DIAPH3: variants seen among roughly 807,000 people sequenced by gnomAD.
DIAPH3 encodes diaphanous related formin 3.
DIAPH3 carries 117 observed loss-of-function variants against 144.3 expected under a neutral mutation model. That is an observed-to-expected ratio of 0.81 (90% CI 0.70 to 0.95). The LOEUF is 0.95. Among genes scored for constraint, DIAPH3 ranks in the 40% least tolerant of loss-of-function variants. The probability of loss-of-function intolerance (pLI) is 0.00; values close to 1 mark genes in which losing one functional copy is unlikely to be tolerated. For synonymous variants in DIAPH3, 519 were observed against 488.9 expected, an observed-to-expected ratio of 1.06 and a Z score of -0.81; for missense variants, 1,421 against 1,412.7, an observed-to-expected ratio of 1.01 and a Z score of -0.09.
At chr13:60,016,167 G>C (rs755799213) in intron 5 of DIAPH3, 22 bp from the exon 6 acceptor site, 1 of 1,607,000 alleles carries the variant, frequency 6.2e-7, no homozygotes, top group African/African-American at 1.3e-5. Context: ...AAAAAAGACA[G>C]TTACACATTG....
At chr13:59,871,254 T>C (rs1010621780) in intron 21 of DIAPH3, among the ~76,000 whole-genome samples, 3 of 151,832 alleles carry the variant, frequency 2.0e-5, no homozygotes, top group Admixed American at 2.0e-4. Flanking sequence ...AAGAAAGAGT[T>C]TTGTTTATTC....
chr13:60,020,004 T>C (rs2053903725), intron 5 of DIAPH3, among the ~76,000 whole-genome samples: 1 of 152,184 alleles, frequency 6.6e-6, no homozygotes, highest in Non-Finnish European at 1.5e-5. Flanking sequence ...GAATTAATCT[T>C]GGAATTATTA....
intron 5 of DIAPH3, among the ~76,000 whole-genome samples, chr13:60,037,869 A>G (rs895700595): frequency 5.9e-5 from 9 of 152,176 alleles, no homozygotes; most frequent in African/African-American, 2.2e-4. Context: ...CCTAAAATAC[A>G]AGGTATGAAA....
At chr13:59,986,850 A>C (rs2051421228) in intron 12 of DIAPH3, among the ~76,000 whole-genome samples, 1 of 149,812 alleles carries the variant, frequency 6.7e-6, no homozygotes, top group Non-Finnish European at 1.5e-5. Context: ...GATGTGGAGA[A>C]ATAGGAACAC....
At chr13:60,096,920 A>G (rs1462860454) in intron 3 of DIAPH3, among the ~76,000 whole-genome samples, 1 of 152,184 alleles carries the variant, frequency 6.6e-6, no homozygotes, top group East Asian at 1.9e-4. Context: ...CAGCTTGCAG[A>G]TAGCATACTG....
At chr13:59,845,913 C>T (rs905157836) in intron 22 of DIAPH3, among the ~76,000 whole-genome samples, 4 of 152,022 alleles carry the variant, frequency 2.6e-5, no homozygotes, top group African/African-American at 9.7e-5. Flanking sequence ...TTGCAGATAC[C>T]CAAATGTTTG....
At chr13:59,894,399 G>C (rs974678489) in intron 20 of DIAPH3, among the ~76,000 whole-genome samples, 5 of 151,970 alleles carry the variant, frequency 3.3e-5, no homozygotes, top group Admixed American at 6.6e-5. Flanking sequence ...AGGAAACAGT[G>C]GTCTCTAACT....
intron 3 of DIAPH3, among the ~76,000 whole-genome samples, chr13:60,098,643 G>T (rs1264564260): frequency 1.3e-5 from 2 of 151,414 alleles, no homozygotes; most frequent in African/African-American, 4.9e-5. Flanking sequence ...ACATATAGCT[G>T]ACCTTAAAAA....
At chr13:59,805,680 T>C (rs989483850) in intron 25 of DIAPH3, among the ~76,000 whole-genome samples, 1 of 151,906 alleles carries the variant, frequency 6.6e-6, no homozygotes, top group Non-Finnish European at 1.5e-5. Flanking sequence ...TTCAGGTTCA[T>C]CATTTAAAAA....
intron 27 of DIAPH3, among the ~76,000 whole-genome samples, chr13:59,729,982 T>C (rs2138973018): frequency 6.6e-6 from 1 of 151,976 alleles, no homozygotes; most frequent in African/African-American, 2.4e-5. Context: ...TTCAGATGGA[T>C]CACAGAATTA....
chr13:59,764,751 G>A (rs1385851616), intron 27 of DIAPH3, among the ~76,000 whole-genome samples: 2 of 151,830 alleles, frequency 1.3e-5, no homozygotes, highest in African/African-American at 4.8e-5. Context: ...GCAATGACTA[G>A]AGCTAGGAGA....
At chr13:59,776,443 A>G (rs1447102224) in intron 25 of DIAPH3, among the ~76,000 whole-genome samples, 3 of 152,160 alleles carry the variant, frequency 2.0e-5, no homozygotes, top group Non-Finnish European at 4.4e-5. Context: ...AAATTCAACT[A>G]TATTTTTCCT....
intron 13 of DIAPH3, among the ~76,000 whole-genome samples, chr13:59,981,226 A>G (rs2050992329): frequency 6.6e-6 from 1 of 151,504 alleles, no homozygotes; most frequent in Non-Finnish European, 1.5e-5. Context: ...ACAGAAAATT[A>G]GAAAAATTGA....
At chr13:59,895,816 C>T (rs879868497) in intron 20 of DIAPH3, among the ~76,000 whole-genome samples, 17 of 152,246 alleles carry the variant, frequency 1.1e-4, no homozygotes, top group South Asian at 4.1e-4. Context: ...ATGAGCCAGA[C>T]GAGGTAGTCG....
In DIAPH3 at chr13:59,914,342, T is replaced by C. The variant is rs146336692; in HGVS notation, c.2265+1813A>G. On this transcript the variant is annotated intron_variant, in intron 19 of 27. Coordinates refer to ENST00000400324, the MANE Select transcript of DIAPH3 (RefSeq NM_001042517.2). ...ATAGCAAGAAATTCTTACTTTTTAATGAATATATTAAAACCTTATATATGT... is the reference window on the plus strand; with the variant it reads ...ATAGCAAGAAATTCTTACTTTTTAACGAATATATTAAAACCTTATATATGT... 3.5e-3 allele frequency among the ~76,000 whole-genome samples: 533 copies of C among 152,314 alleles called. 3 individuals are homozygous for C. The highest frequency in any genetic ancestry group is 0.012 in the African/African-American group (508 of 41,566).
chr13:59,841,107 A>C (rs1025904475), intron 22 of DIAPH3, among the ~76,000 whole-genome samples: 4 of 152,122 alleles, frequency 2.6e-5, no homozygotes, highest in Non-Finnish European at 4.4e-5. Flanking sequence ...TCCCGTTTCC[A>C]ACTTTTTTCT....
At chr13:60,090,520 G>A (rs1382378590) in intron 4 of DIAPH3, among the ~76,000 whole-genome samples, 2 of 152,124 alleles carry the variant, frequency 1.3e-5, no homozygotes, top group African/African-American at 4.8e-5. Context: ...CCAAAAAGGA[G>A]AATCTCAAAG....
intron 5 of DIAPH3, among the ~76,000 whole-genome samples, chr13:60,026,501 A>G (rs1466737027): frequency 6.6e-6 from 1 of 152,200 alleles, no homozygotes; most frequent in African/African-American, 2.4e-5. Context: ...TCAGGAAGAC[A>G]ACGCATTATG....
At chr13:60,034,878 T>C (rs987126676) in intron 5 of DIAPH3, 3 of 152,192 alleles carry the variant, frequency 2.0e-5, no homozygotes, top group Admixed American at 1.3e-4. Context: ...TAGACATACA[T>C]GAGCTCTCGT....
Sources: allele counts gnomAD v4.1 joint callset (sites outside exome capture counted in the v4.1 genomes callset), GRCh38; gene constraint gnomAD v4.1.1; transcripts MANE v1.5; gene names NCBI Gene and HGNC (gene_info 2026-07-23, HGNC 2026-07-21).